PLA2G4A: variants seen among roughly 807,000 people sequenced by gnomAD.
The protein encoded by PLA2G4A is cytosolic phospholipase A2.
PLA2G4A carries 40 observed loss-of-function variants against 81.9 expected under a neutral mutation model. The ratio of observed to expected loss-of-function variants is 0.49; its 90% CI spans 0.38 to 0.64. The LOEUF is 0.64. Ranked by LOEUF, PLA2G4A falls within the 30% of genes least tolerant of loss-of-function variation. The pLI is 0.00. For missense variants in PLA2G4A, 715 were observed against 905.1 expected, an observed-to-expected ratio of 0.79 and a Z score of 2.69; for synonymous variants, 302 against 296.9, an observed-to-expected ratio of 1.02 and a Z score of -0.18.
rs778064646 is a variant in PLA2G4A at position 186,980,550 on chromosome 1, A to G, written c.2118+1078A>G. Among the ~76,000 whole-genome samples the G allele has an allele frequency of 1.9e-4, 29 of 152,208 alleles. 1 individual carries two copies. Among genetic ancestry groups the G allele is most frequent in the Admixed American group, 1.3e-3 (20 of 15,286 alleles). ...AATTAAATGGAGAAGGAAAGGCATC[A>G]TGTCTGATTTACCAGTCTTTTTGGT... is the stretch of plus-strand genomic sequence containing the variant. On this transcript the variant is annotated intron_variant, in intron 17 of 17. Transcript: ENST00000367466.
At chr1:186,871,555 G>C (rs1179434486) in intron 3 of PLA2G4A, among the ~76,000 whole-genome samples, 1 of 152,098 alleles carries the variant, frequency 6.6e-6, no homozygotes, top group Non-Finnish European at 1.5e-5. Context: ...GGTCATGAGA[G>C]CAAGAAGTCC....
intron 3 of PLA2G4A, 156 bp downstream of exon 3, chr1:186,870,672 C>A (rs1240035581): frequency 1.4e-6 from 2 of 1,420,064 alleles, no homozygotes; most frequent in East Asian, 4.8e-5. Flanking sequence ...TTCTCTGATG[C>A]TATCTGTCAG....
chr1:186,884,602 C>A (rs1055480832), intron 3 of PLA2G4A, among the ~76,000 whole-genome samples: 1 of 152,146 alleles, frequency 6.6e-6, no homozygotes, highest in South Asian at 2.1e-4. Context: ...CCAGGCTTGG[C>A]GTGGTGGCTC....
At chr1:186,972,026 G>A (rs1333514769) in intron 15 of PLA2G4A, among the ~76,000 whole-genome samples, 3 of 152,050 alleles carry the variant, frequency 2.0e-5, no homozygotes, top group African/African-American at 7.2e-5. Context: ...AGCACTTCGT[G>A]TAGTTAAATG....
At chr1:186,937,233 A>T (rs908011585) in intron 8 of PLA2G4A, among the ~76,000 whole-genome samples, 2 of 141,814 alleles carry the variant, frequency 1.4e-5, no homozygotes, top group African/African-American at 5.3e-5. Context: ...TTCCAAGCCA[A>T]CTGCTTCATG....
intron 7 of PLA2G4A, among the ~76,000 whole-genome samples, chr1:186,924,322 T>C (rs1283483806): frequency 1.3e-5 from 2 of 152,248 alleles, no homozygotes; most frequent in Non-Finnish European, 2.9e-5. Context: ...AAGCTCATTC[T>C]ACCTCCTTTA....
At chr1:186,900,769 T>C (rs752760185) in intron 5 of PLA2G4A, among the ~76,000 whole-genome samples, 1 of 152,196 alleles carries the variant, frequency 6.6e-6, no homozygotes, top group Non-Finnish European at 1.5e-5. Context: ...TGGATGAAAT[T>C]AGTTTGTTTT....
chr1:186,832,628 ATTTCT>A (rs1382255558), intron 1 of PLA2G4A, among the ~76,000 whole-genome samples: 2 of 152,214 alleles, frequency 1.3e-5, no homozygotes, highest in Admixed American at 1.3e-4. Flanking sequence ...TTAAATTTAC[ATTTCT>A]TTGTTGAACA....
chr1:186,935,408 A>AT (rs10681360), intron 8 of PLA2G4A, among the ~76,000 whole-genome samples: 23,708 of 147,528 alleles, frequency 0.16, 3,049 homozygotes, highest in African/African-American at 0.36. Context: ...AAGGGTTTTT[A>AT]TTTTTTTTTT....
At chr1:186,834,250 C>T (rs1450296189) in intron 1 of PLA2G4A, among the ~76,000 whole-genome samples, 1 of 151,752 alleles carries the variant, frequency 6.6e-6, no homozygotes, top group African/African-American at 2.4e-5. Context: ...TTTATTTTCA[C>T]AGGCTTTGTG....
chr1:186,955,009 G>A (rs1656697511), intron 13 of PLA2G4A, among the ~76,000 whole-genome samples: 2 of 152,138 alleles, frequency 1.3e-5, no homozygotes, highest in African/African-American at 4.8e-5. Context: ...GTGAGGAAAT[G>A]GAGGAAGAGA....
At chr1:186,954,485 T>C (rs906755345) in intron 13 of PLA2G4A, among the ~76,000 whole-genome samples, 7 of 152,100 alleles carry the variant, frequency 4.6e-5, no homozygotes, top group Non-Finnish European at 5.9e-5. Flanking sequence ...AAATACCTAA[T>C]ATAAATGATG....
At chr1:186,968,866 C>A (rs1274783773) in intron 15 of PLA2G4A, among the ~76,000 whole-genome samples, 1 of 148,036 alleles carries the variant, frequency 6.8e-6, no homozygotes, top group African/African-American at 2.5e-5. Flanking sequence ...GTTTTACATG[C>A]CTTTGCTGGC....
intron 3 of PLA2G4A, among the ~76,000 whole-genome samples, chr1:186,876,911 T>C (rs1241290821): frequency 6.6e-6 from 1 of 152,070 alleles, no homozygotes; most frequent in Non-Finnish European, 1.5e-5. Flanking sequence ...CTCTCACCTG[T>C]AGGGCGACCT....
At chr1:186,947,530 A>G (rs1324157963) in intron 12 of PLA2G4A, among the ~76,000 whole-genome samples, 2 of 152,182 alleles carry the variant, frequency 1.3e-5, no homozygotes, top group Non-Finnish European at 2.9e-5. Context: ...AAAGTAGACA[A>G]TCTCAACTGG....
At chr1:186,908,973 T>C (rs1032357078) in intron 6 of PLA2G4A, among the ~76,000 whole-genome samples, 2 of 131,692 alleles carry the variant, frequency 1.5e-5, no homozygotes, top group African/African-American at 5.7e-5. Context: ...CTTTTCTTTT[T>C]TTTTTTTTTT....
chr1:186,857,141 A>ATTAT (rs1652595404), intron 2 of PLA2G4A, among the ~76,000 whole-genome samples: 1 of 38,382 alleles, frequency 2.6e-5, no homozygotes, highest in Non-Finnish European at 4.8e-5. Context: ...TATATTATAT[A>ATTAT]ATTATATAAT....
intron 1 of PLA2G4A, among the ~76,000 whole-genome samples, chr1:186,847,542 A>C (rs1461428702): frequency 6.6e-6 from 1 of 152,168 alleles, no homozygotes; most frequent in Non-Finnish European, 1.5e-5. Flanking sequence ...TTAAGCCATA[A>C]GATTTAAGAC....
At chr1:186,969,901 T>C (rs998760586) in intron 15 of PLA2G4A, among the ~76,000 whole-genome samples, 1 of 151,876 alleles carries the variant, frequency 6.6e-6, no homozygotes, top group African/African-American at 2.4e-5. Context: ...AATATACTGA[T>C]TTTCCTTTCT....
Sources: allele counts gnomAD v4.1 joint callset (sites outside exome capture counted in the v4.1 genomes callset), GRCh38; gene constraint gnomAD v4.1.1; transcripts MANE v1.5; gene names NCBI Gene and HGNC (gene_info 2026-07-23, HGNC 2026-07-21).